The following FRRS1 variants were observed in gnomAD, a reference collection of about 807,000 sequenced individuals.
FRRS1 encodes ferric reductase 1.
Under a neutral mutation model 70.7 loss-of-function variants are expected in FRRS1, and 51 were observed. The observed-to-expected ratio is 0.72, with a 90% CI of 0.58 to 0.91. The LOEUF (loss-of-function observed/expected upper bound fraction) is 0.91. Among genes scored for constraint, FRRS1 ranks in the 40% least tolerant of loss-of-function variants. The pLI, the probability that FRRS1 is intolerant of heterozygous loss-of-function variation, is 0.00. For missense variants in FRRS1, 672 were observed against 726.0 expected (o/e 0.93, Z 0.86); for synonymous variants, 225 against 238.7 (o/e 0.94, Z 0.53).
intron 4 of FRRS1, among the ~76,000 whole-genome samples, chr1:99,746,735 C>A (rs1025757131): frequency 3.3e-5 from 5 of 152,184 alleles, no homozygotes; most frequent in African/African-American, 9.7e-5. Context: ...CCTTCTTCTA[C>A]GACATGGACC....
chr1:99,764,362 C>G (rs1557712972), intron 1 of FRRS1, among the ~76,000 whole-genome samples: 1 of 152,092 alleles, frequency 6.6e-6, no homozygotes, highest in African/African-American at 2.4e-5. Flanking sequence ...GGCTTCCTTT[C>G]TTTAATGCCC....
rs1320733551 is a variant in FRRS1 at position 99,707,192 on chromosome 1, G to A, written c.*1836C>T. Among the ~76,000 whole-genome samples, 2 of 151,950 alleles carry A rather than the reference G, an allele frequency of 1.3e-5. No homozygotes were observed. The highest frequency in any genetic ancestry group is 2.9e-5 in the Non-Finnish European group (2 of 67,998). On this transcript the variant is annotated 3_prime_UTR_variant, in exon 17 of 17. Transcript: ENST00000646001. ...CACATTATTTTACCCAGTAAAAGATGTAGGCTATTAGTAGAAAGTTGGTTA... is the reference window on the plus strand; with the variant it reads ...CACATTATTTTACCCAGTAAAAGATATAGGCTATTAGTAGAAAGTTGGTTA...
intron 1 of FRRS1, among the ~76,000 whole-genome samples, chr1:99,757,323 G>T (rs754223027): frequency 1.3e-5 from 2 of 151,858 alleles, no homozygotes; most frequent in African/African-American, 2.4e-5. Context: ...TTACTTTATG[G>T]CATGCATGGA....
chr1:99,744,623 C>T (rs1035455987), intron 4 of FRRS1, among the ~76,000 whole-genome samples: 16 of 152,040 alleles, frequency 1.1e-4, no homozygotes, highest in Non-Finnish European at 2.1e-4. Flanking sequence ...CCCATCTCTA[C>T]TAAAAATACA....
chr1:99,735,573 T>C (rs530477120), intron 7 of FRRS1, among the ~76,000 whole-genome samples: 2 of 152,338 alleles, frequency 1.3e-5, no homozygotes, highest in South Asian at 2.1e-4. Context: ...TTGAGGATGA[T>C]TCATTTCCCC....
At chr1:99,746,338 T>C (rs1346639818) in intron 4 of FRRS1, among the ~76,000 whole-genome samples, 1 of 152,152 alleles carries the variant, frequency 6.6e-6, no homozygotes, top group Non-Finnish European at 1.5e-5. Flanking sequence ...TCTGGAAGGA[T>C]TACACCATTG....
intron 7 of FRRS1, among the ~76,000 whole-genome samples, chr1:99,732,353 C>G (rs571212697): frequency 5.3e-5 from 8 of 152,192 alleles, no homozygotes; most frequent in African/African-American, 1.9e-4. Context: ...TAGAGAGCAT[C>G]CTATGAGAGA....
intron 1 of FRRS1, among the ~76,000 whole-genome samples, chr1:99,763,269 G>GGGACCCCCTATTTTTCCCCTAAATT (rs1657192535): frequency 6.6e-6 from 1 of 151,472 alleles, no homozygotes; most frequent in East Asian, 1.9e-4. Context: ...TCCCCTAAAT[G>GGGACCCCCTATTTTTCCCCTAAATT]GGACCCCCTA....
At chr1:99,742,461 C>T (rs886659155) in intron 4 of FRRS1, among the ~76,000 whole-genome samples, 188 bp from the exon 5 acceptor site, 20 of 152,174 alleles carry the variant, frequency 1.3e-4, no homozygotes, top group Admixed American at 5.2e-4. Flanking sequence ...ATATTAGCAG[C>T]TGGCTCTGTG....
At chr1:99,714,423 C>G (rs1571095035) in intron 12 of FRRS1, among the ~76,000 whole-genome samples, 1 of 152,126 alleles carries the variant, frequency 6.6e-6, no homozygotes, top group East Asian at 1.9e-4. Context: ...ACCTCGTGAT[C>G]TGCCTGCCTT....
At chr1:99,726,149 T>C (rs1655070654) in intron 9 of FRRS1, among the ~76,000 whole-genome samples, 1 of 152,152 alleles carries the variant, frequency 6.6e-6, no homozygotes, top group South Asian at 2.1e-4. Flanking sequence ...TAAGGAGATC[T>C]CGTTGTTTAA....
chr1:99,760,752 C>T (rs1002184926), intron 1 of FRRS1, among the ~76,000 whole-genome samples: 10 of 152,052 alleles, frequency 6.6e-5, no homozygotes, highest in African/African-American at 1.4e-4. Flanking sequence ...TGGGTTCAAG[C>T]GATTCTCCTG....
chr1:99,716,992 C>G (rs1036378282), intron 11 of FRRS1, among the ~76,000 whole-genome samples: 3 of 152,126 alleles, frequency 2.0e-5, no homozygotes, highest in African/African-American at 7.2e-5. Context: ...GAGGAGTGAC[C>G]CTTGCTTTGA....
intron 6 of FRRS1, 83 bp downstream of exon 6, chr1:99,740,710 T>A: frequency 1.1e-6 from 1 of 899,326 alleles, no homozygotes; most frequent in Non-Finnish European, 1.8e-6. Flanking sequence ...GGCAGGAGGA[T>A]CACTTGAGCT....
intron 1 of FRRS1, among the ~76,000 whole-genome samples, chr1:99,766,143 G>A (rs561766793): frequency 4.6e-4 from 70 of 152,180 alleles, no homozygotes; most frequent in African/African-American, 1.7e-3. Flanking sequence ...CCAGGGCTAG[G>A]GAGTGGGAGG....
intron 1 of FRRS1, among the ~76,000 whole-genome samples, chr1:99,750,606 A>G (rs555529746): frequency 1.3e-4 from 20 of 152,138 alleles, no homozygotes; most frequent in Non-Finnish European, 2.9e-4. Context: ...GCTTGTGGGT[A>G]GACTGGACAT....
At position 99,707,647 on chromosome 1, in the gene FRRS1, G is replaced by A. The variant is rs1016343928; in HGVS notation, c.*1381C>T. Among the ~76,000 whole-genome samples the A allele has an allele frequency of 1.6e-4, 24 of 152,180 alleles. No individual in the cohort carries two copies. Among genetic ancestry groups the A allele is most frequent in the Non-Finnish European group, 8.8e-5 (6 of 68,026 alleles). ...GATTAAGAGTTGGTGGAATTTAAGG[G>A]AAATGCCATCCGGTAATGTTACCTA... On this transcript the variant is annotated 3_prime_UTR_variant, in exon 17 of 17. Coordinates refer to ENST00000646001, the MANE Select transcript of FRRS1 (RefSeq NM_001361041.2).
intron 10 of FRRS1, 61 bp from the exon 11 acceptor site, chr1:99,717,586 G>T: frequency 1.8e-6 from 2 of 1,125,948 alleles, no homozygotes; most frequent in East Asian, 2.4e-5. Context: ...TCGCTTAAAT[G>T]ACCAAGCCAA....
At chr1:99,733,644 C>A (rs2100948788) in intron 7 of FRRS1, among the ~76,000 whole-genome samples, 1 of 152,228 alleles carries the variant, frequency 6.6e-6, no homozygotes, top group South Asian at 2.1e-4. Context: ...CAAAAGAAAC[C>A]CATTAGTCCA....
Sources: gnomAD v4.1 joint callset for allele counts (sites outside exome capture counted in the v4.1 genomes callset) on GRCh38, gnomAD v4.1.1 for gene constraint, MANE v1.5 for transcripts, NCBI Gene and HGNC (gene_info 2026-07-23, HGNC 2026-07-21) for gene names.